CSMD1: variants seen among roughly 807,000 people sequenced by gnomAD.
The protein encoded by CSMD1 is CUB and sushi domain-containing protein 1.
CSMD1 carries 213 observed loss-of-function variants against 417.5 expected under a neutral mutation model. The ratio of observed to expected loss-of-function variants is 0.51; its 90% CI spans 0.46 to 0.57. CSMD1 has a LOEUF of 0.57. Ranked by LOEUF, CSMD1 falls within the 20% of genes least tolerant of loss-of-function variation. The pLI is 0.00. For missense variants in CSMD1, 6,923 were observed against 4,529.7 expected, an observed-to-expected ratio of 1.53 and a Z score of -15.17; for synonymous variants, 2,862 against 1,736.8, an observed-to-expected ratio of 1.65 and a Z score of -16.11.
chr8:4,168,305 G>T (rs915733427), intron 3 of CSMD1, among the ~76,000 whole-genome samples: 3 of 151,796 alleles, frequency 2.0e-5, no homozygotes, highest in Non-Finnish European at 4.4e-5. Flanking sequence ...GAGGCAGAAA[G>T]GGCTCCCTTG....
chr8:4,702,768 T>C (rs902976554), intron 1 of CSMD1, among the ~76,000 whole-genome samples: 1 of 152,184 alleles, frequency 6.6e-6, no homozygotes, highest in Non-Finnish European at 1.5e-5. Context: ...GAGCATCCTT[T>C]TGCGGGAAAA....
chr8:4,225,570 C>A (rs1273336454), intron 3 of CSMD1, among the ~76,000 whole-genome samples: 1 of 150,448 alleles, frequency 6.6e-6, no homozygotes, highest in African/African-American at 2.5e-5. Context: ...CTGTTAAGAG[C>A]CTAAATACAT....
chr8:4,360,999 A>C (rs564355342), intron 3 of CSMD1, among the ~76,000 whole-genome samples: 1 of 152,326 alleles, frequency 6.6e-6, no homozygotes, highest in Non-Finnish European at 1.5e-5. Context: ...ATATTTGAAG[A>C]CATTTTAAAA....
intron 27 of CSMD1, among the ~76,000 whole-genome samples, chr8:3,226,987 G>T (rs1367485472): frequency 6.6e-6 from 1 of 151,892 alleles, no homozygotes; most frequent in African/African-American, 2.4e-5. Context: ...ATTAAAACAA[G>T]ACATCATCAC....
chr8:4,652,120 G>A (rs1803935534), intron 1 of CSMD1, among the ~76,000 whole-genome samples: 1 of 152,108 alleles, frequency 6.6e-6, no homozygotes, highest in African/African-American at 2.4e-5. Flanking sequence ...AATAATAAAG[G>A]AGATTAGGAG....
At chr8:3,492,211 G>A (rs1030015099) in intron 11 of CSMD1, among the ~76,000 whole-genome samples, 1 of 152,148 alleles carries the variant, frequency 6.6e-6, no homozygotes, top group Non-Finnish European at 1.5e-5. Flanking sequence ...CATTGCTTCA[G>A]TGGAGTGTTA....
intron 2 of CSMD1, among the ~76,000 whole-genome samples, chr8:4,456,848 C>T (rs550908606): frequency 1.8e-4 from 28 of 152,144 alleles, no homozygotes; most frequent in African/African-American, 6.0e-4. Context: ...CCCATCCTGA[C>T]CAAGCCTGGC....
chr8:3,307,443 G>C (rs1030774583), intron 25 of CSMD1, among the ~76,000 whole-genome samples: 1 of 152,074 alleles, frequency 6.6e-6, no homozygotes, highest in Admixed American at 6.5e-5. Flanking sequence ...AAATTTGGGG[G>C]ATAGTTTGTT....
chr8:3,807,721 T>C (rs13249146), intron 5 of CSMD1, among the ~76,000 whole-genome samples: 53,892 of 151,938 alleles, frequency 0.35, 10,238 homozygotes, highest in East Asian at 0.43. Flanking sequence ...GGGATCCTAA[T>C]GTCTTTATTA....
chr8:4,056,117 T>G (rs1471531320), intron 3 of CSMD1, among the ~76,000 whole-genome samples: 1 of 144,320 alleles, frequency 6.9e-6, no homozygotes, highest in African/African-American at 2.5e-5. Context: ...AGTCTCACTT[T>G]GTCACCCAAG....
At chr8:3,045,823 G>C (rs1180642044) in intron 50 of CSMD1, among the ~76,000 whole-genome samples, 1 of 152,004 alleles carries the variant, frequency 6.6e-6, no homozygotes, top group Non-Finnish European at 1.5e-5. Context: ...CCTTCTTTTG[G>C]TTTTCCTCTA....
intron 3 of CSMD1, among the ~76,000 whole-genome samples, chr8:4,264,010 C>T (rs936700245): frequency 1.3e-5 from 2 of 152,084 alleles, no homozygotes; most frequent in African/African-American, 4.8e-5. Context: ...TAAATCAGAT[C>T]GTTCTTATTG....
At chr8:3,700,313 G>C (rs540918435) in intron 7 of CSMD1, among the ~76,000 whole-genome samples, 1 of 152,152 alleles carries the variant, frequency 6.6e-6, no homozygotes, top group African/African-American at 2.4e-5. Context: ...ATGTAGTTCA[G>C]TTTATATTCT....
chr8:4,268,038 T>G (rs768978277), intron 3 of CSMD1, among the ~76,000 whole-genome samples: 2 of 152,122 alleles, frequency 1.3e-5, no homozygotes, highest in Non-Finnish European at 2.9e-5. Flanking sequence ...AGGTCATTCT[T>G]GAAAAGTGTG....
chr8:3,972,638 T>G (rs1813165586), intron 5 of CSMD1, among the ~76,000 whole-genome samples: 1 of 152,242 alleles, frequency 6.6e-6, no homozygotes, highest in South Asian at 2.1e-4. Flanking sequence ...TAAGTTAGTT[T>G]ACATGTGATA....
At chr8:2,985,540 A>C (rs1805818832) in intron 54 of CSMD1, among the ~76,000 whole-genome samples, 1 of 152,254 alleles carries the variant, frequency 6.6e-6, no homozygotes, top group Non-Finnish European at 1.5e-5. Context: ...TACACAATGC[A>C]TAGGCAATAT....
At chr8:4,140,349 T>C (rs1346963853) in intron 3 of CSMD1, among the ~76,000 whole-genome samples, 1 of 150,838 alleles carries the variant, frequency 6.6e-6, no homozygotes, top group Non-Finnish European at 1.5e-5. Context: ...CAATACAAAA[T>C]TAGCTGGGAA....
At chr8:3,133,309 G>T (rs974303569) in intron 41 of CSMD1, among the ~76,000 whole-genome samples, 1 of 152,152 alleles carries the variant, frequency 6.6e-6, no homozygotes, top group Non-Finnish European at 1.5e-5. Context: ...CTCTCAACAG[G>T]AGGCTACTTT....
chr8:4,160,855 C>G (rs1243546744), intron 3 of CSMD1, among the ~76,000 whole-genome samples: 1 of 152,198 alleles, frequency 6.6e-6, no homozygotes, highest in African/African-American at 2.4e-5. Flanking sequence ...TCTAATATTT[C>G]CTTAAGGAGA....
Sources: allele counts gnomAD v4.1 joint callset (sites outside exome capture counted in the v4.1 genomes callset), GRCh38; gene constraint gnomAD v4.1.1; transcripts MANE v1.5; gene names NCBI Gene and HGNC (gene_info 2026-07-23, HGNC 2026-07-21).